Variants in DPP10 observed in about 807,000 individuals in gnomAD.
The protein encoded by DPP10 is dipeptidyl peptidase like 10, also known as inactive dipeptidyl peptidase 10.
Under a neutral mutation model 120.9 loss-of-function variants are expected in DPP10, and 33 were observed. That is an observed-to-expected ratio of 0.27 (90% CI 0.21 to 0.37). DPP10 has a LOEUF of 0.37. Among genes scored for constraint, DPP10 ranks in the 10% least tolerant of loss-of-function variants. DPP10 has a pLI of 1.00. For missense variants in DPP10, 816 were observed against 942.8 expected, an observed-to-expected ratio of 0.87 and a Z score of 1.76; for synonymous variants, 337 against 326.1, an observed-to-expected ratio of 1.03 and a Z score of -0.36.
intron 1 of DPP10, among the ~76,000 whole-genome samples, chr2:114,557,096 T>C (rs1179981531): frequency 1.3e-5 from 2 of 151,422 alleles, no homozygotes; most frequent in African/African-American, 2.4e-5. Context: ...AAATAAATTA[T>C]AGAACAATAT....
chr2:114,693,032 G>A (rs540581795), intron 1 of DPP10, among the ~76,000 whole-genome samples: 1 of 151,838 alleles, frequency 6.6e-6, no homozygotes, highest in African/African-American at 2.4e-5. Context: ...CATTTATCCA[G>A]CTTGCCTTTC....
chr2:115,209,691 C>T (rs1318700000), intron 1 of DPP10, among the ~76,000 whole-genome samples: 2 of 151,822 alleles, frequency 1.3e-5, no homozygotes, highest in Admixed American at 1.3e-4. Context: ...CAGCTCAGAA[C>T]AGCAAAGAAA....
intron 1 of DPP10, among the ~76,000 whole-genome samples, chr2:115,026,717 A>G (rs898846552): frequency 1.3e-5 from 2 of 152,004 alleles, no homozygotes; most frequent in African/African-American, 4.8e-5. Flanking sequence ...TTGTAATTTT[A>G]GTAGAGTCAG....
intron 1 of DPP10, among the ~76,000 whole-genome samples, chr2:114,842,922 AG>A (rs1160675006): frequency 2.6e-5 from 4 of 152,136 alleles, no homozygotes; most frequent in Non-Finnish European, 5.9e-5. Flanking sequence ...GCTTTGAGCA[AG>A]GGACAGGAGA....
intron 1 of DPP10, among the ~76,000 whole-genome samples, chr2:114,619,582 A>G (rs1303451619): frequency 1.3e-5 from 2 of 152,050 alleles, no homozygotes; most frequent in African/African-American, 4.8e-5. Flanking sequence ...TTTTCCAAAA[A>G]ATTGCTTTTA....
At chr2:114,467,822 G>A (rs1008203011) in intron 1 of DPP10, among the ~76,000 whole-genome samples, 2 of 151,216 alleles carry the variant, frequency 1.3e-5, no homozygotes, top group Non-Finnish European at 2.9e-5. Flanking sequence ...AACACAGAGA[G>A]ACCCCATCTC....
chr2:115,172,922 T>G (rs937987499), intron 1 of DPP10, among the ~76,000 whole-genome samples: 31 of 152,212 alleles, frequency 2.0e-4, no homozygotes, highest in African/African-American at 7.0e-4. Context: ...CTGTTTTGGT[T>G]GGTATGCAGA....
intron 1 of DPP10, among the ~76,000 whole-genome samples, chr2:114,757,417 GGAAGGAAA>G (rs1679876304): frequency 1.3e-5 from 2 of 149,130 alleles, no homozygotes; most frequent in African/African-American, 5.0e-5. Context: ...AGGGAAGGAA[GGAAGGAAA>G]GAAGGAAGGA....
At chr2:115,138,837 G>A (rs1381788870) in intron 1 of DPP10, among the ~76,000 whole-genome samples, 1 of 152,098 alleles carries the variant, frequency 6.6e-6, no homozygotes, top group East Asian at 1.9e-4. Flanking sequence ...TCAGATTTAA[G>A]CTCCATGACT....
At chr2:114,624,055 A>T (rs1299804698) in intron 1 of DPP10, among the ~76,000 whole-genome samples, 1 of 152,062 alleles carries the variant, frequency 6.6e-6, no homozygotes, top group African/African-American at 2.4e-5. Flanking sequence ...CTGGAGCTTG[A>T]CAAATACTCT....
At chr2:114,583,953 C>T (rs565610983) in intron 1 of DPP10, among the ~76,000 whole-genome samples, 1 of 151,994 alleles carries the variant, frequency 6.6e-6, no homozygotes, top group Admixed American at 6.6e-5. Context: ...ATTTTTGAAG[C>T]AAAAGTCCTT....
At chr2:114,527,882 C>T (rs1685636127) in intron 1 of DPP10, among the ~76,000 whole-genome samples, 1 of 152,100 alleles carries the variant, frequency 6.6e-6, no homozygotes, top group Non-Finnish European at 1.5e-5. Flanking sequence ...ATAAACATAT[C>T]TGAACATAGA....
intron 1 of DPP10, among the ~76,000 whole-genome samples, chr2:114,781,575 A>G (rs1682330272): frequency 6.6e-6 from 1 of 151,734 alleles, no homozygotes; most frequent in African/African-American, 2.4e-5. Context: ...TTTTCCATCA[A>G]GAGTTATGCT....
intron 1 of DPP10, among the ~76,000 whole-genome samples, chr2:115,005,038 C>T (rs1284957546): frequency 5.3e-5 from 8 of 152,044 alleles, no homozygotes; most frequent in African/African-American, 1.9e-4. Flanking sequence ...GGCAGACTGC[C>T]TCCTCAAGTG....
intron 1 of DPP10, among the ~76,000 whole-genome samples, chr2:114,497,455 A>G (rs932809365): frequency 1.3e-5 from 2 of 149,962 alleles, no homozygotes; most frequent in South Asian, 2.1e-4. Flanking sequence ...AGATGCATCT[A>G]TTTTATAGAT....
At chr2:114,857,555 ACTTCC>A (rs1375250164) in intron 1 of DPP10, among the ~76,000 whole-genome samples, 5 of 152,140 alleles carry the variant, frequency 3.3e-5, no homozygotes, top group African/African-American at 1.2e-4. Flanking sequence ...TCTGTAGTTC[ACTTCC>A]CTTGCTTCCT....
At chr2:115,777,491 ACG>A (rs920917214) in intron 14 of DPP10, among the ~76,000 whole-genome samples, 192 bp downstream of exon 14, 106 of 151,976 alleles carry the variant, frequency 7.0e-4, no homozygotes, top group African/African-American at 2.3e-3. Context: ...GTGTGTGCAC[ACG>A]CACACACACA....
At chr2:115,418,039 T>C (rs2069589284) in intron 3 of DPP10, among the ~76,000 whole-genome samples, 2 of 152,184 alleles carry the variant, frequency 1.3e-5, no homozygotes, top group South Asian at 4.1e-4. Context: ...CTAAGGTTTA[T>C]GTAAGAAATC....
chr2:115,303,265 G>T (rs2105988059), intron 1 of DPP10, among the ~76,000 whole-genome samples: 1 of 151,838 alleles, frequency 6.6e-6, no homozygotes, highest in East Asian at 1.9e-4. Context: ...TAGTGCAAAA[G>T]TTATTTGTTT....
Sources: gnomAD v4.1 joint callset for allele counts (sites outside exome capture counted in the v4.1 genomes callset) on GRCh38, gnomAD v4.1.1 for gene constraint, MANE v1.5 for transcripts, NCBI Gene and HGNC (gene_info 2026-07-23, HGNC 2026-07-21) for gene names.